Variants in IL2RA observed in about 807,000 individuals in gnomAD.
IL2RA encodes interleukin-2 receptor subunit alpha.
IL2RA carries 24 observed loss-of-function variants against 37.8 expected under a neutral mutation model. The ratio of observed to expected loss-of-function variants is 0.63; its 90% CI spans 0.46 to 0.89. The LOEUF (loss-of-function observed/expected upper bound fraction) is 0.89. IL2RA is among the 40% of genes least tolerant of loss of function. The pLI is 0.00. For synonymous variants in IL2RA, 125 were observed against 114.6 expected (o/e 1.09, Z -0.58); for missense variants, 319 against 348.6 (o/e 0.92, Z 0.68).
At position 6,014,515 on chromosome 10, in the gene IL2RA, T is replaced by C. The variant is rs150568920; in HGVS notation, c.795-1619A>G. 1.3e-5 allele frequency among the ~76,000 whole-genome samples: 2 copies of C among 152,344 alleles called. No homozygotes were observed. Among genetic ancestry groups the C allele is most frequent in the Non-Finnish European group, 2.9e-5 (2 of 68,026 alleles). On this transcript the variant is annotated intron_variant, in intron 7 of 7. Transcript: ENST00000379959. This position sits in a 1 kb window ranked among gnomAD's most constrained non-coding sequence, Gnocchi z 4.4. ...GTTTCACAACATAAACACTGAACCA[T>C]TCCTACTTCCAAATAGCTTTGTCCT...
chr10:6,040,995 T>C (rs964311624), intron 1 of IL2RA, among the ~76,000 whole-genome samples: 1 of 152,154 alleles, frequency 6.6e-6, no homozygotes, highest in Admixed American at 6.5e-5. Flanking sequence ...CAGTTGTCAA[T>C]CCTTAGTTGC....
At chr10:6,049,940 T>C (rs1839922673) in intron 1 of IL2RA, among the ~76,000 whole-genome samples, 1 of 152,118 alleles carries the variant, frequency 6.6e-6, no homozygotes, top group South Asian at 2.1e-4. Flanking sequence ...GAGTCCAGCT[T>C]TGAAATCACA....
intron 6 of IL2RA, 138 bp downstream of exon 6, chr10:6,019,290 G>T: frequency 1.3e-6 from 1 of 776,580 alleles, no homozygotes. Flanking sequence ...CAATCAACTA[G>T]CCAACCTACC....
rs778609114 is a variant in IL2RA, at chr10:6,012,924, A to T, written c.795-28T>A. On this transcript the variant is annotated intron_variant, in intron 7 of 7. Transcript: ENST00000379959. This position sits in a 1 kb window ranked among gnomAD's most constrained non-coding sequence, Gnocchi z 4.8. ...GTAGTGGTGTAACAAAGTCACGGTC[A>T]TATGTGTAACACGGCACCAAAAAAA... The T allele has an allele frequency of 6.2e-7, 1 of 1,612,622 alleles. No individual in the cohort carries two copies. The highest frequency in any genetic ancestry group is 8.5e-7 in the Non-Finnish European group (1 of 1,178,682).
intron 1 of IL2RA, among the ~76,000 whole-genome samples, chr10:6,042,886 A>C (rs1839793381): frequency 6.6e-6 from 1 of 152,222 alleles, no homozygotes; most frequent in Admixed American, 6.5e-5. Flanking sequence ...ATATGTGAGG[A>C]ATTCAGGAAA....
intron 1 of IL2RA, 142 bp downstream of exon 1, chr10:6,061,946 T>C: frequency 1.5e-6 from 1 of 684,954 alleles, no homozygotes; most frequent in Non-Finnish European, 2.6e-6. Context: ...GGGGTCCCCG[T>C]GGGTCACAGG....
rs372481445 is a variant in IL2RA, at chr10:6,025,865, G to A, written c.225C>T (p.Ser75=). ...TTGTGCATTGACATTGGTTGTCCCA[G>A]GACGAGTGGCTAGAGTTTCCTGTAC... The part of the protein sequence containing the change: ...MLCTGNSSHS[S]WDNQCQCTSS... The change falls in exon 2 of 8, where the codon TCC becomes TCT. Residue 75 remains serine, a synonymous_variant. Coordinates refer to ENST00000379959, the MANE Select transcript of IL2RA (RefSeq NM_000417.3). This position sits in a 1 kb window ranked among gnomAD's most constrained non-coding sequence, Gnocchi z 4.4. The A allele has an allele frequency of 6.2e-7, 1 of 1,614,112 alleles. No individual in the cohort carries two copies. The highest frequency in any genetic ancestry group is 1.3e-5 in the African/African-American group (1 of 74,942).
chr10:6,023,224 G>A (rs1839417719), intron 3 of IL2RA, among the ~76,000 whole-genome samples: 1 of 152,192 alleles, frequency 6.6e-6, no homozygotes, highest in South Asian at 2.1e-4. Context: ...ATCTGATACA[G>A]TTCTTTGTAA....
intron 1 of IL2RA, among the ~76,000 whole-genome samples, chr10:6,051,817 C>CCATATATATATATATATATATA (rs1839963972): frequency 3.0e-5 from 1 of 33,664 alleles, no homozygotes; most frequent in African/African-American, 9.2e-5. Flanking sequence ...TCATGCCCAG[C>CCATATATATATATATATATATA]TATATATATA....
rs987899964 is a variant in IL2RA, at chr10:6,057,955, G to A, written c.64+4133C>T. On this transcript the variant is annotated intron_variant, in intron 1 of 7. Transcript: ENST00000379959. The surrounding 1 kb of genome is among the most constrained non-coding windows in gnomAD (Gnocchi z 4.8). The stretch of plus-strand genomic sequence containing the variant: ...AGCCTGGCCAACTTGGTGAAACCCC[G>A]TCTCTACTAAAAATACAAAAATTAG... Among the ~76,000 whole-genome samples the A allele has an allele frequency of 2.6e-5, 4 of 152,082 alleles. No individual in the cohort carries two copies. Among genetic ancestry groups the A allele is most frequent in the East Asian group, 1.9e-4 (1 of 5,198 alleles).
rs1839214135 is a variant in IL2RA at position 6,012,985 on chromosome 10, A to G, written c.795-89T>C. On this transcript the variant is annotated intron_variant, in intron 7 of 7. Coordinates refer to ENST00000379959, the MANE Select transcript of IL2RA (RefSeq NM_000417.3). This position sits in a 1 kb window ranked among gnomAD's most constrained non-coding sequence, Gnocchi z 4.8. ...ACTCTAAACCAGTGCACACGCCACCATGCCTGGCTAATTTTTGTATTTTTA... is the reference window on the plus strand; with the variant it reads ...ACTCTAAACCAGTGCACACGCCACCGTGCCTGGCTAATTTTTGTATTTTTA... The G allele has an allele frequency of 6.1e-5, 76 of 1,246,630 alleles. 2 individuals are homozygous for G. The South Asian group carries it at 9.0e-4, about 15-fold the overall frequency. The allele number at this position is 1,246,630 out of a possible 1,614,324, so 77.2% of individuals were successfully genotyped here.
intron 3 of IL2RA, among the ~76,000 whole-genome samples, chr10:6,023,592 T>G (rs911049065): frequency 2.0e-5 from 3 of 152,190 alleles, no homozygotes; most frequent in African/African-American, 2.4e-5. Context: ...TGCCTCAGAC[T>G]CCCACAGTGC....
intron 7 of IL2RA, among the ~76,000 whole-genome samples, 173 bp from the exon 8 acceptor site, chr10:6,013,069 C>T (rs1839216463): frequency 6.6e-6 from 1 of 152,210 alleles, no homozygotes; most frequent in Admixed American, 6.5e-5. Context: ...ACCTTGTGAT[C>T]TGCCTGCCTC....
chr10:6,024,159 CCTT>C, intron 3 of IL2RA, 82 bp downstream of exon 3: 1 of 886,442 alleles, frequency 1.1e-6, no homozygotes, highest in South Asian at 1.3e-5. Flanking sequence ...GCAGGGCAGA[CCTT>C]CTTCCTTTGG....
At chr10:6,053,514 G>A (rs12722632) in intron 1 of IL2RA, among the ~76,000 whole-genome samples, 3 of 152,246 alleles carry the variant, frequency 2.0e-5, no homozygotes, top group African/African-American at 4.8e-5. Flanking sequence ...TGCATGGGCC[G>A]GCTTTAACCA....
intron 1 of IL2RA, among the ~76,000 whole-genome samples, chr10:6,037,057 C>T (rs1246327187): frequency 6.6e-6 from 1 of 152,138 alleles, no homozygotes; most frequent in Non-Finnish European, 1.5e-5. Flanking sequence ...TCTGCCCCCT[C>T]TCCATCTGCC....
intron 1 of IL2RA, among the ~76,000 whole-genome samples, chr10:6,043,159 T>C (rs74458978): frequency 6.6e-6 from 1 of 152,378 alleles, no homozygotes; most frequent in East Asian, 1.9e-4. Context: ...TCAAGAACTC[T>C]GTATTATTAT....
At chr10:6,051,056 C>CTT (rs5782869) in intron 1 of IL2RA, among the ~76,000 whole-genome samples, 1 of 146,418 alleles carries the variant, frequency 6.8e-6, no homozygotes, top group Non-Finnish European at 1.5e-5. Flanking sequence ...ACCCCTCCAA[C>CTT]TTTTTTTTTT....
At chr10:6,050,611 T>C (rs770480625) in intron 1 of IL2RA, among the ~76,000 whole-genome samples, 4 of 152,098 alleles carry the variant, frequency 2.6e-5, no homozygotes, top group Non-Finnish European at 4.4e-5. Flanking sequence ...ACCACTGCAC[T>C]CCAGTCTGGG....
Sources: gnomAD v4.1 joint callset for allele counts (sites outside exome capture counted in the v4.1 genomes callset) on GRCh38, gnomAD v4.1.1 for gene constraint, Gnocchi (gnomAD v3.1) non-coding constraint, MANE v1.5 for transcripts, NCBI Gene and HGNC (gene_info 2026-07-23, HGNC 2026-07-21) for gene names.